The following MNAT1 variants were observed in gnomAD, a reference collection of about 807,000 sequenced individuals.
MNAT1 encodes MNAT1 component of CDK activating kinase.
In MNAT1, 43 loss-of-function variants were observed where a neutral mutation model predicts 42.0. The ratio of observed to expected loss-of-function variants is 1.02; its 90% CI spans 0.80 to 1.32. MNAT1 has a LOEUF of 1.32. Ranked by LOEUF, MNAT1 falls within the 40% of genes most tolerant of loss-of-function variation. The pLI, the probability that MNAT1 is intolerant of heterozygous loss-of-function variation, is 0.00. For synonymous variants in MNAT1, 118 were observed against 120.0 expected (o/e 0.98, Z 0.11); for missense variants, 306 against 350.4 (o/e 0.87, Z 1.01).
chr14:60,822,107 A>G (rs1190155620), intron 6 of MNAT1, among the ~76,000 whole-genome samples: 2 of 152,170 alleles, frequency 1.3e-5, no homozygotes, highest in African/African-American at 4.8e-5. Flanking sequence ...TGAAATTTAT[A>G]TAACCTGGCT....
chr14:60,868,570 G>A (rs930045578), intron 6 of MNAT1, among the ~76,000 whole-genome samples: 1 of 152,106 alleles, frequency 6.6e-6, no homozygotes, highest in Non-Finnish European at 1.5e-5. Flanking sequence ...AAAGTGGAAT[G>A]CACAGTCTCA....
At chr14:60,838,623 A>G (rs1206928029) in intron 6 of MNAT1, among the ~76,000 whole-genome samples, 3 of 152,184 alleles carry the variant, frequency 2.0e-5, no homozygotes, top group Non-Finnish European at 4.4e-5. Flanking sequence ...TGCCCTGTAC[A>G]TGGAGCCAGT....
At chr14:60,918,623 A>G (rs1446507755) in intron 7 of MNAT1, among the ~76,000 whole-genome samples, 5 of 151,882 alleles carry the variant, frequency 3.3e-5, no homozygotes. Context: ...CAAACATCAT[A>G]AAAGATGAAA....
chr14:60,816,761 C>G (rs2032728485), intron 5 of MNAT1, among the ~76,000 whole-genome samples: 1 of 152,068 alleles, frequency 6.6e-6, no homozygotes, highest in Admixed American at 6.5e-5. Context: ...GGAACTCCTA[C>G]TTAATTCTAG....
chr14:60,744,471 G>A (rs1896558369), intron 1 of MNAT1, among the ~76,000 whole-genome samples: 1 of 152,156 alleles, frequency 6.6e-6, no homozygotes, highest in Non-Finnish European at 1.5e-5. Context: ...TTATTTGACT[G>A]TAGGTTACAG....
At chr14:60,839,990 A>G (rs1378550426) in intron 6 of MNAT1, among the ~76,000 whole-genome samples, 2 of 152,260 alleles carry the variant, frequency 1.3e-5, no homozygotes, top group Admixed American at 6.5e-5. Flanking sequence ...AGCGGGCCCA[A>G]GAAAACTTGC....
intron 7 of MNAT1, among the ~76,000 whole-genome samples, chr14:60,918,691 A>G (rs1380018790): frequency 6.7e-6 from 1 of 150,134 alleles, no homozygotes; most frequent in Non-Finnish European, 1.5e-5. Context: ...GTTCCAAATT[A>G]TTGTGGAATG....
intron 4 of MNAT1, 24 bp from the exon 5 acceptor site, chr14:60,811,963 G>A (rs769138010): frequency 6.5e-6 from 10 of 1,539,384 alleles, no homozygotes; most frequent in East Asian, 2.3e-5. Flanking sequence ...TTTATTCCAC[G>A]CCATATATAA....
intron 7 of MNAT1, among the ~76,000 whole-genome samples, chr14:60,933,598 T>C (rs2069205582): frequency 6.6e-6 from 1 of 152,176 alleles, no homozygotes; most frequent in African/African-American, 2.4e-5. Context: ...ATAAGAATTT[T>C]AGTTTTTAAG....
chr14:60,856,826 G>A (rs1363528605), intron 6 of MNAT1, among the ~76,000 whole-genome samples: 3 of 151,842 alleles, frequency 2.0e-5, no homozygotes, highest in Admixed American at 6.6e-5. Context: ...GACTACAGGC[G>A]CTCACCACCA....
chr14:60,770,252 T>G (rs373943020), intron 1 of MNAT1, among the ~76,000 whole-genome samples: 14 of 152,326 alleles, frequency 9.2e-5, no homozygotes, highest in Admixed American at 5.2e-4. Context: ...TGTTTTAGCA[T>G]GTGACAGGAT....
chr14:60,869,530 G>A (rs914133946), intron 6 of MNAT1, among the ~76,000 whole-genome samples: 2 of 152,066 alleles, frequency 1.3e-5, no homozygotes, highest in Non-Finnish European at 2.9e-5. Context: ...TGGCAAATAT[G>A]TTGAAGATGA....
intron 6 of MNAT1, among the ~76,000 whole-genome samples, chr14:60,836,767 G>C (rs780590375): frequency 6.6e-6 from 1 of 152,200 alleles, no homozygotes; most frequent in Non-Finnish European, 1.5e-5. Flanking sequence ...CTTGAGTGTT[G>C]TGCCAGGAGA....
At chr14:60,826,458 A>G (rs1038113031) in intron 6 of MNAT1, among the ~76,000 whole-genome samples, 1 of 151,744 alleles carries the variant, frequency 6.6e-6, no homozygotes, top group Non-Finnish European at 1.5e-5. Flanking sequence ...CTGGAACTAC[A>G]GGTGCATGCC....
intron 1 of MNAT1, among the ~76,000 whole-genome samples, chr14:60,781,974 AT>A (rs372647745): frequency 0.036 from 4,330 of 120,324 alleles, 135 homozygotes; most frequent in African/African-American, 0.088. Context: ...TGTGTGTGTG[AT>A]TTTTTTTTTT....
intron 7 of MNAT1, among the ~76,000 whole-genome samples, chr14:60,935,265 C>G (rs1000454183): frequency 6.6e-6 from 1 of 151,938 alleles, no homozygotes; most frequent in African/African-American, 2.4e-5. Context: ...CTCTCTCCCC[C>G]TCTCTTTTTT....
At chr14:60,736,473 A>C (rs1228301726) in intron 1 of MNAT1, among the ~76,000 whole-genome samples, 2 of 152,190 alleles carry the variant, frequency 1.3e-5, no homozygotes, top group Non-Finnish European at 2.9e-5. Context: ...CTTTTGTTGT[A>C]TCCTCAGCCC....
At chr14:60,890,575 A>C (rs1450809977) in intron 7 of MNAT1, among the ~76,000 whole-genome samples, 1 of 152,168 alleles carries the variant, frequency 6.6e-6, no homozygotes, top group East Asian at 1.9e-4. Flanking sequence ...AAAATCTCAA[A>C]AGTAGGGAAG....
chr14:60,868,176 G>GCA (rs1173047303), intron 6 of MNAT1, among the ~76,000 whole-genome samples: 2 of 151,956 alleles, frequency 1.3e-5, no homozygotes, highest in Non-Finnish European at 2.9e-5. Flanking sequence ...ATATGTGTAG[G>GCA]CACACACACT....
Sources: gnomAD v4.1 joint callset for allele counts (sites outside exome capture counted in the v4.1 genomes callset) on GRCh38, gnomAD v4.1.1 for gene constraint, MANE v1.5 for transcripts, NCBI Gene and HGNC (gene_info 2026-07-23, HGNC 2026-07-21) for gene names.